The following BRINP1 variants were observed in gnomAD, a reference collection of about 807,000 sequenced individuals.
BRINP1 encodes the protein BMP/retinoic acid inducible neural specific 1, also known as BMP/retinoic acid-inducible neural-specific protein 1.
A neutral mutation model predicts 72.9 loss-of-function variants in BRINP1; 17 were observed. That is an observed-to-expected ratio of 0.23 (90% CI 0.16 to 0.35). BRINP1 has a LOEUF of 0.35. BRINP1 is among the 10% of genes least tolerant of loss of function. The pLI, the probability that BRINP1 is intolerant of heterozygous loss-of-function variation, is 1.00. For synonymous variants in BRINP1, 418 were observed against 378.5 expected (o/e 1.10, Z -1.21); for missense variants, 850 against 1,001.6 (o/e 0.85, Z 2.04).
At chr9:119,281,278 T>C (rs471215) in intron 2 of BRINP1, among the ~76,000 whole-genome samples, 28,234 of 152,142 alleles carry the variant, frequency 0.19, 3,241 homozygotes, top group South Asian at 0.28. Flanking sequence ...CATTTGTCAT[T>C]TGGGATAGAA....
chr9:119,237,346 C>T (rs1160530162), intron 5 of BRINP1, among the ~76,000 whole-genome samples: 1 of 145,044 alleles, frequency 6.9e-6, no homozygotes. Context: ...TTTCTTGCTA[C>T]ATTATTATTA....
At chr9:119,285,201 CAAAAAAA>C (rs58381406) in intron 2 of BRINP1, among the ~76,000 whole-genome samples, 38,426 of 121,196 alleles carry the variant, frequency 0.32, 5,688 homozygotes, top group Non-Finnish European at 0.39. Context: ...TTGCAGGCAT[CAAAAAAA>C]AAAAAAAAAA....
intron 2 of BRINP1, 104 bp from the exon 3 acceptor site, chr9:119,249,254 G>T: frequency 9.2e-7 from 1 of 1,082,968 alleles, no homozygotes; most frequent in Non-Finnish European, 1.3e-6. Context: ...GTGGGAAAGT[G>T]CCTACAATTT....
chr9:119,169,746 A>G (rs1268593468), intron 7 of BRINP1, among the ~76,000 whole-genome samples: 3 of 152,374 alleles, frequency 2.0e-5, no homozygotes, highest in Non-Finnish European at 2.9e-5. Context: ...ACAGCTTTGA[A>G]GAGAGCAGTG....
At chr9:119,362,728 C>T (rs559123456) in intron 1 of BRINP1, among the ~76,000 whole-genome samples, 1 of 152,316 alleles carries the variant, frequency 6.6e-6, no homozygotes, top group South Asian at 2.1e-4. Flanking sequence ...TTCTCCTCCT[C>T]ACTTTACACT....
At chr9:119,294,855 A>AAAAAAAG (rs1830858390) in intron 2 of BRINP1, among the ~76,000 whole-genome samples, 1 of 142,440 alleles carries the variant, frequency 7.0e-6, no homozygotes, top group Non-Finnish European at 1.5e-5. Context: ...CACTACGTTA[A>AAAAAAAG]AAAAAAAAAA....
intron 1 of BRINP1, among the ~76,000 whole-genome samples, chr9:119,354,875 A>G (rs1327466470): frequency 6.6e-6 from 1 of 152,140 alleles, no homozygotes; most frequent in Non-Finnish European, 1.5e-5. Context: ...TCTCAGAGAA[A>G]AAACGTAAGT....
intron 5 of BRINP1, among the ~76,000 whole-genome samples, chr9:119,235,530 C>T (rs2118904191): frequency 1.3e-5 from 2 of 152,218 alleles, no homozygotes; most frequent in Middle Eastern, 6.8e-3. Flanking sequence ...AAACCTTATA[C>T]TTTTTCTCCA....
intron 7 of BRINP1, among the ~76,000 whole-genome samples, chr9:119,181,297 A>G (rs966890114): frequency 6.6e-6 from 1 of 152,216 alleles, no homozygotes; most frequent in African/African-American, 2.4e-5. Flanking sequence ...TTAACCCTGA[A>G]GTACAATAAT....
At chr9:119,196,889 T>G (rs1401295806) in intron 7 of BRINP1, among the ~76,000 whole-genome samples, 1 of 152,230 alleles carries the variant, frequency 6.6e-6, no homozygotes, top group Non-Finnish European at 1.5e-5. Flanking sequence ...TACGTATTGC[T>G]TTCTTGAATG....
At chr9:119,226,271 G>A (rs1286774218) in intron 5 of BRINP1, among the ~76,000 whole-genome samples, 1 of 151,894 alleles carries the variant, frequency 6.6e-6, no homozygotes, top group Non-Finnish European at 1.5e-5. Flanking sequence ...AATTATCATG[G>A]GTAACTTATT....
chr9:119,243,388 CT>C (rs1185092434), intron 3 of BRINP1, among the ~76,000 whole-genome samples: 1 of 152,090 alleles, frequency 6.6e-6, no homozygotes, highest in South Asian at 2.1e-4. Context: ...TGATCTCATT[CT>C]TTTTTCGGGC....
intron 7 of BRINP1, among the ~76,000 whole-genome samples, chr9:119,180,452 T>G (rs1264897904): frequency 6.6e-6 from 1 of 150,574 alleles, no homozygotes; most frequent in African/African-American, 2.5e-5. Context: ...TGTTCTTTAG[T>G]TGTGCTGTGT....
chr9:119,177,066 C>T (rs759850075), intron 7 of BRINP1, among the ~76,000 whole-genome samples: 8 of 152,192 alleles, frequency 5.3e-5, no homozygotes, highest in Non-Finnish European at 1.2e-4. Context: ...CTTCTCCGAG[C>T]ACCTAGCCCA....
chr9:119,340,932 G>C (rs183248670), intron 1 of BRINP1, among the ~76,000 whole-genome samples: 1 of 152,160 alleles, frequency 6.6e-6, no homozygotes, highest in African/African-American at 2.4e-5. Flanking sequence ...GAAAAGGCTC[G>C]AAGAGGGAGA....
At chr9:119,243,878 T>A (rs1314310108) in intron 3 of BRINP1, among the ~76,000 whole-genome samples, 1 of 152,126 alleles carries the variant, frequency 6.6e-6, no homozygotes, top group East Asian at 1.9e-4. Flanking sequence ...ATAGCCAAGG[T>A]AAGGGAGTGC....
intron 7 of BRINP1, among the ~76,000 whole-genome samples, chr9:119,204,818 G>C (rs1207836565): frequency 4.6e-5 from 7 of 152,190 alleles, no homozygotes; most frequent in Admixed American, 6.5e-5. Flanking sequence ...TCTGTGTCTG[G>C]TAAGTGATGG....
chr9:119,168,725 A>C (rs1217756343), intron 7 of BRINP1, among the ~76,000 whole-genome samples: 1 of 121,386 alleles, frequency 8.2e-6, no homozygotes, highest in Non-Finnish European at 1.9e-5. Context: ...AACAAAAACA[A>C]ATTATATTTT....
intron 7 of BRINP1, among the ~76,000 whole-genome samples, chr9:119,168,663 CA>C (rs1349428553): frequency 3.4e-5 from 4 of 117,816 alleles, no homozygotes; most frequent in African/African-American, 1.0e-4. Flanking sequence ...CCACATGTTT[CA>C]ACCCCCATTA....
Sources: allele counts gnomAD v4.1 joint callset (sites outside exome capture counted in the v4.1 genomes callset), GRCh38; gene constraint gnomAD v4.1.1; transcripts MANE v1.5; gene names NCBI Gene and HGNC (gene_info 2026-07-23, HGNC 2026-07-21).